The following PLA2G4A variants were observed in gnomAD, a reference collection of about 807,000 sequenced individuals.
PLA2G4A encodes phospholipase A2 group IVA.
A neutral mutation model predicts 81.9 loss-of-function variants in PLA2G4A; 40 were observed. The ratio of observed to expected loss-of-function variants is 0.49; its 90% CI spans 0.38 to 0.64. PLA2G4A has a LOEUF of 0.64. PLA2G4A is among the 30% of genes least tolerant of loss of function. PLA2G4A has a pLI of 0.00. For synonymous variants in PLA2G4A, 302 were observed against 296.9 expected, an observed-to-expected ratio of 1.02 and a Z score of -0.18; for missense variants, 715 against 905.1, an observed-to-expected ratio of 0.79 and a Z score of 2.69.
At chr1:186,907,189 C>A (rs886466083) in intron 6 of PLA2G4A, among the ~76,000 whole-genome samples, 187 bp downstream of exon 6, 1 of 152,062 alleles carries the variant, frequency 6.6e-6, no homozygotes, top group African/African-American at 2.4e-5. Context: ...TTCTTATATT[C>A]ATTATTCTTA....
intron 14 of PLA2G4A, among the ~76,000 whole-genome samples, chr1:186,963,512 C>T (rs1283388922): frequency 3.3e-5 from 5 of 152,166 alleles, no homozygotes; most frequent in Non-Finnish European, 7.4e-5. Flanking sequence ...ACACAGCCAG[C>T]CTTTATTATT....
intron 1 of PLA2G4A, among the ~76,000 whole-genome samples, chr1:186,841,929 G>A (rs917872073): frequency 9.7e-6 from 1 of 103,312 alleles, no homozygotes; most frequent in African/African-American, 3.0e-5. Context: ...ATATGTTGGT[G>A]AGGGGTTGCG....
chr1:186,918,061 C>G (rs555244808), intron 7 of PLA2G4A, among the ~76,000 whole-genome samples: 1 of 152,342 alleles, frequency 6.6e-6, no homozygotes, highest in East Asian at 1.9e-4. Context: ...CAGTCTGATT[C>G]ATCCTCCTTT....
chr1:186,921,147 C>A (rs578068203), intron 7 of PLA2G4A, among the ~76,000 whole-genome samples: 20 of 152,238 alleles, frequency 1.3e-4, no homozygotes, highest in Non-Finnish European at 2.6e-4. Flanking sequence ...ACCGTCTTAG[C>A]CTTTCCATGT....
intron 1 of PLA2G4A, among the ~76,000 whole-genome samples, chr1:186,849,088 A>T (rs917324286): frequency 6.6e-6 from 1 of 152,098 alleles, no homozygotes; most frequent in African/African-American, 2.4e-5. Context: ...ACATCATTTG[A>T]CATTAAGAAT....
chr1:186,876,309 A>G (rs1653495721), intron 3 of PLA2G4A, among the ~76,000 whole-genome samples: 1 of 152,074 alleles, frequency 6.6e-6, no homozygotes, highest in Admixed American at 6.6e-5. Context: ...GTTGCTTTTT[A>G]TGTCTTTGAA....
intron 7 of PLA2G4A, among the ~76,000 whole-genome samples, chr1:186,929,410 T>C (rs971586684): frequency 2.0e-5 from 3 of 152,252 alleles, no homozygotes; most frequent in Non-Finnish European, 4.4e-5. Flanking sequence ...TCCCATTCTT[T>C]TTTATAGTTC....
At position 186,966,063 on chromosome 1, in the gene PLA2G4A, A is replaced by G. The variant is rs571240646; in HGVS notation, c.1764+470A>G. Among the ~76,000 whole-genome samples, 88 of 151,596 alleles carry G rather than the reference A, an allele frequency of 5.8e-4. 1 individual carries two copies. The South Asian group carries it at 9.4e-3, about 16-fold the overall frequency. The stretch of plus-strand genomic sequence containing the variant: ...GGTGAACTGGACAAGGCCAGTTTCA[A>G]TAGGGCTGTGAGGGCAGAAATCAGA... On this transcript the variant is annotated intron_variant, in intron 15 of 17. Coordinates refer to ENST00000367466, the MANE Select transcript of PLA2G4A (RefSeq NM_024420.3).
intron 15 of PLA2G4A, among the ~76,000 whole-genome samples, chr1:186,970,975 T>C (rs1214114949): frequency 6.6e-6 from 1 of 151,978 alleles, no homozygotes; most frequent in East Asian, 1.9e-4. Flanking sequence ...AGGGATTGCA[T>C]TGGATCTGTA....
intron 10 of PLA2G4A, among the ~76,000 whole-genome samples, chr1:186,941,112 CAA>C (rs61665159): frequency 7.4e-5 from 8 of 107,582 alleles, no homozygotes; most frequent in East Asian, 2.7e-4. Flanking sequence ...GACTCCGTCT[CAA>C]AAAAAAAAAA....
At chr1:186,883,546 A>G (rs1653820332) in intron 3 of PLA2G4A, among the ~76,000 whole-genome samples, 1 of 152,124 alleles carries the variant, frequency 6.6e-6, no homozygotes, top group Non-Finnish European at 1.5e-5. Context: ...CTACATGAGC[A>G]ATACAGTGTT....
At chr1:186,949,850 C>T (rs1403255153) in intron 12 of PLA2G4A, among the ~76,000 whole-genome samples, 1 of 101,058 alleles carries the variant, frequency 9.9e-6, no homozygotes, top group Non-Finnish European at 1.9e-5. Context: ...AGTGAGACTT[C>T]ATTTCTACCA....
At chr1:186,859,325 C>T (rs999834421) in intron 2 of PLA2G4A, among the ~76,000 whole-genome samples, 4 of 152,144 alleles carry the variant, frequency 2.6e-5, no homozygotes, top group African/African-American at 9.7e-5. Flanking sequence ...AGAATCATTA[C>T]GAGGTGCCTT....
At chr1:186,951,440 TGTTCCCAA>T (rs1482669949) in intron 13 of PLA2G4A, among the ~76,000 whole-genome samples, 29 of 67,742 alleles carry the variant, frequency 4.3e-4, no homozygotes, top group African/African-American at 1.7e-3. Flanking sequence ...TTTATAAAAA[TGTTCCCAA>T]TAGTTAAAAA....
intron 14 of PLA2G4A, among the ~76,000 whole-genome samples, chr1:186,964,151 C>A (rs867358537): frequency 1.3e-5 from 2 of 152,166 alleles, no homozygotes; most frequent in African/African-American, 4.8e-5. Flanking sequence ...TCACTTTATT[C>A]TACTATCATA....
chr1:186,894,095 T>C lies in PLA2G4A; in HGVS notation c.265-3T>C. On this transcript the variant is annotated splice_polypyrimidine_tract_variant and splice_region_variant and intron_variant, in intron 4 of 17. Transcript: ENST00000367466. ...TTTTTGTGCTTTACATTTTACTCTG[T>C]AGATTACGTTAATGGATGCCAATTA... The C allele has an allele frequency of 9.1e-7, 1 of 1,098,304 alleles. No homozygotes were observed. Among genetic ancestry groups the C allele is most frequent in the South Asian group, 1.2e-5 (1 of 80,904 alleles). The allele number at this position is 1,098,304 out of a possible 1,614,324, so 68.0% of individuals were successfully genotyped here.
intron 7 of PLA2G4A, among the ~76,000 whole-genome samples, chr1:186,920,619 T>C (rs898736839): frequency 3.3e-5 from 5 of 152,228 alleles, no homozygotes; most frequent in East Asian, 1.9e-4. Flanking sequence ...TTTCCTTCAG[T>C]TGGGGACACT....
At position 186,951,147 on chromosome 1, in the gene PLA2G4A, G is replaced by A. The variant is rs558627455; in HGVS notation, c.1336+419G>A. On this transcript the variant is annotated intron_variant, in intron 13 of 17. Coordinates refer to ENST00000367466, the MANE Select transcript of PLA2G4A (RefSeq NM_024420.3). Reference sequence around the variant, plus strand: ...AAAATTATATTCTCACTCCATTCCTGACCCTTATCCCACTGGCTACACCCT... The same window carrying A: ...AAAATTATATTCTCACTCCATTCCTAACCCTTATCCCACTGGCTACACCCT... Among the ~76,000 whole-genome samples, 117 of 152,154 alleles carry A rather than the reference G, an allele frequency of 7.7e-4. 1 individual carries two copies. Among genetic ancestry groups the A allele is most frequent in the Admixed American group, 1.8e-3 (27 of 15,274 alleles).
intron 2 of PLA2G4A, among the ~76,000 whole-genome samples, chr1:186,863,154 C>T (rs1005864943): frequency 5.3e-5 from 8 of 152,176 alleles, no homozygotes; most frequent in African/African-American, 1.2e-4. Context: ...AGGCTGGCCT[C>T]GAACTCCTGG....
Sources: allele counts gnomAD v4.1 joint callset (sites outside exome capture counted in the v4.1 genomes callset), GRCh38; gene constraint gnomAD v4.1.1; transcripts MANE v1.5; gene names NCBI Gene and HGNC (gene_info 2026-07-23, HGNC 2026-07-21).